MELK: variants seen among roughly 807,000 people sequenced by gnomAD.
The protein encoded by MELK is maternal embryonic leucine zipper kinase.
Under a neutral mutation model 85.0 loss-of-function variants are expected in MELK, and 81 were observed. That is an observed-to-expected ratio of 0.95 (90% CI 0.80 to 1.15). MELK has a LOEUF of 1.15. MELK is among the 50% of genes most tolerant of loss of function. The probability of loss-of-function intolerance (pLI) is 0.00; values close to 1 mark genes in which losing one functional copy is unlikely to be tolerated. For missense variants in MELK, 754 were observed against 777.5 expected (o/e 0.97, Z 0.36); for synonymous variants, 252 against 265.0 (o/e 0.95, Z 0.48).
intron 7 of MELK, among the ~76,000 whole-genome samples, chr9:36,604,683 A>T (rs2135738782): frequency 6.8e-6 from 1 of 147,356 alleles, no homozygotes; most frequent in Admixed American, 6.7e-5. Flanking sequence ...TCACTCTGTC[A>T]CTCAGGCTGG....
intron 11 of MELK, among the ~76,000 whole-genome samples, chr9:36,649,933 TAATTAAATTA>T (rs1204672311): frequency 2.0e-5 from 3 of 150,642 alleles, no homozygotes; most frequent in Non-Finnish European, 3.0e-5. Flanking sequence ...TAATTTAATT[TAATTAAATTA>T]ATTAATTTAT....
At chr9:36,633,337 A>C in intron 10 of MELK, 137 bp downstream of exon 10, 1 of 609,580 alleles carries the variant, frequency 1.6e-6, no homozygotes, top group Non-Finnish European at 2.8e-6. Flanking sequence ...CTTGTAACCT[A>C]ATGGACAGTG....
chr9:36,588,319 C>T (rs1187362588), intron 3 of MELK, among the ~76,000 whole-genome samples: 1 of 150,080 alleles, frequency 6.7e-6, no homozygotes, highest in African/African-American at 2.5e-5. Flanking sequence ...ATCTGCCCAC[C>T]TTGGCCTCCC....
intron 9 of MELK, among the ~76,000 whole-genome samples, chr9:36,631,164 A>G (rs577499197): frequency 4.6e-5 from 7 of 151,598 alleles, no homozygotes; most frequent in East Asian, 1.9e-4. Context: ...AGGTTTCACT[A>G]TGTTAGCCAG....
intron 10 of MELK, among the ~76,000 whole-genome samples, chr9:36,642,278 C>T (rs1829824628): frequency 6.6e-6 from 1 of 152,100 alleles, no homozygotes; most frequent in African/African-American, 2.4e-5. Flanking sequence ...CTGTGCTCTA[C>T]AAGTTTGAAT....
At chr9:36,659,279 G>A (rs1587598449) in intron 13 of MELK, among the ~76,000 whole-genome samples, 1 of 152,078 alleles carries the variant, frequency 6.6e-6, no homozygotes, top group Non-Finnish European at 1.5e-5. Flanking sequence ...GCCTCCCAAA[G>A]TGCTGGGATT....
chr9:36,611,119 C>A (rs989311465), intron 8 of MELK, among the ~76,000 whole-genome samples: 1 of 152,140 alleles, frequency 6.6e-6, no homozygotes, highest in African/African-American at 2.4e-5. Context: ...CACTTCTGTT[C>A]CCAAGCATTT....
chr9:36,582,433 C>T (rs1438475471), intron 2 of MELK, among the ~76,000 whole-genome samples: 1 of 151,772 alleles, frequency 6.6e-6, no homozygotes, highest in Non-Finnish European at 1.5e-5. Context: ...CAGACTATTG[C>T]GATAATTCAG....
intron 8 of MELK, among the ~76,000 whole-genome samples, chr9:36,622,962 AAC>A (rs1236154341): frequency 3.9e-5 from 6 of 152,226 alleles, no homozygotes; most frequent in African/African-American, 1.4e-4. Context: ...TAAATAAACA[AAC>A]ACAAATTCTT....
At chr9:36,641,181 C>T (rs1829721174) in intron 10 of MELK, among the ~76,000 whole-genome samples, 1 of 152,114 alleles carries the variant, frequency 6.6e-6, no homozygotes, top group African/African-American at 2.4e-5. Flanking sequence ...TAGGAATACG[C>T]AAATTTCTGA....
At chr9:36,652,196 A>C (rs1830777621) in intron 12 of MELK, among the ~76,000 whole-genome samples, 1 of 151,262 alleles carries the variant, frequency 6.6e-6, no homozygotes, top group Admixed American at 6.6e-5. Flanking sequence ...GCAGGTGTGC[A>C]TCACCACGCC....
intron 10 of MELK, among the ~76,000 whole-genome samples, chr9:36,641,488 G>T (rs543324392): frequency 6.6e-6 from 1 of 152,222 alleles, no homozygotes; most frequent in African/African-American, 2.4e-5. Flanking sequence ...CAGGGAGACA[G>T]ACCTCAGGCA....
chr9:36,668,582 G>A (rs1031389431), intron 14 of MELK, among the ~76,000 whole-genome samples: 2 of 135,006 alleles, frequency 1.5e-5, no homozygotes, highest in African/African-American at 2.6e-5. Flanking sequence ...GCGCGATCTC[G>A]GCTCACTGCA....
intron 8 of MELK, among the ~76,000 whole-genome samples, chr9:36,608,381 C>A (rs1825764335): frequency 6.9e-6 from 1 of 145,022 alleles, no homozygotes; most frequent in Non-Finnish European, 1.5e-5. Flanking sequence ...ATCTCTTATT[C>A]TGCCTAATGT....
chr9:36,631,409 G>T (rs1828604168), intron 9 of MELK, among the ~76,000 whole-genome samples: 2 of 152,110 alleles, frequency 1.3e-5, no homozygotes, highest in South Asian at 4.1e-4. Flanking sequence ...GGGATTACAG[G>T]CATGTGCCAC....
At chr9:36,658,545 C>T (rs987781409) in intron 13 of MELK, among the ~76,000 whole-genome samples, 6 of 151,972 alleles carry the variant, frequency 3.9e-5, no homozygotes, top group Non-Finnish European at 8.8e-5. Flanking sequence ...TTACACTTTC[C>T]CTTGGTTCTT....
intron 8 of MELK, among the ~76,000 whole-genome samples, chr9:36,614,949 T>C (rs1434592347): frequency 1.3e-5 from 2 of 148,384 alleles, no homozygotes; most frequent in East Asian, 4.1e-4. Flanking sequence ...AATGAGCTGT[T>C]GGGCACACCT....
intron 10 of MELK, among the ~76,000 whole-genome samples, chr9:36,642,298 A>T (rs754739207): frequency 5.3e-5 from 8 of 151,480 alleles, no homozygotes; most frequent in Non-Finnish European, 1.0e-4. Flanking sequence ...TCACTCTTTT[A>T]CCAGTCTGTT....
chr9:36,614,339 C>T (rs1310664174), intron 8 of MELK, among the ~76,000 whole-genome samples: 1 of 151,718 alleles, frequency 6.6e-6, no homozygotes, highest in Non-Finnish European at 1.5e-5. Context: ...AGGTGATTCA[C>T]CTGCCTCGGC....
Sources: gnomAD v4.1 joint callset for allele counts (sites outside exome capture counted in the v4.1 genomes callset) on GRCh38, gnomAD v4.1.1 for gene constraint, MANE v1.5 for transcripts, NCBI Gene and HGNC (gene_info 2026-07-23, HGNC 2026-07-21) for gene names.